The following UTRN variants were observed in gnomAD, a reference collection of about 807,000 sequenced individuals.
UTRN encodes the protein dystrophin-related protein 1.
Under a neutral mutation model 463.9 loss-of-function variants are expected in UTRN, and 283 were observed. The ratio of observed to expected loss-of-function variants is 0.61; its 90% CI spans 0.55 to 0.67. The LOEUF is 0.67. Among genes scored for constraint, UTRN ranks in the 30% least tolerant of loss-of-function variants. The probability of loss-of-function intolerance (pLI) is 0.00; values close to 1 mark genes in which losing one functional copy is unlikely to be tolerated. For missense variants in UTRN, 3,922 were observed against 4,084.3 expected (o/e 0.96, Z 1.08); for synonymous variants, 1,442 against 1,431.5 (o/e 1.01, Z -0.17).
At chr6:144,659,158 G>C (rs914557079) in intron 51 of UTRN, among the ~76,000 whole-genome samples, 10 of 152,118 alleles carry the variant, frequency 6.6e-5, no homozygotes, top group Admixed American at 6.6e-4. Flanking sequence ...TTCTTTTCAT[G>C]GGTTGGCTCC....
chr6:144,824,785 TC>T (rs1161996677), intron 66 of UTRN, among the ~76,000 whole-genome samples: 1 of 136,748 alleles, frequency 7.3e-6, no homozygotes, highest in Non-Finnish European at 1.6e-5. Flanking sequence ...GGGGGGGGTG[TC>T]CCCCCAGCGT....
At chr6:144,830,728 T>TGTTTTTTG (rs1471316580) in intron 69 of UTRN, among the ~76,000 whole-genome samples, 117 of 145,402 alleles carry the variant, frequency 8.0e-4, no homozygotes, top group Admixed American at 5.8e-3. Context: ...TTTTGTTTTT[T>TGTTTTTTG]GTTTTTTTTT....
chr6:144,581,472 A>T (rs1240863661), intron 51 of UTRN, among the ~76,000 whole-genome samples: 2 of 152,082 alleles, frequency 1.3e-5, no homozygotes, highest in African/African-American at 4.8e-5. Flanking sequence ...ACGTTTTAGG[A>T]TTATTACACT....
At chr6:144,779,179 G>C (rs550735067) in intron 60 of UTRN, among the ~76,000 whole-genome samples, 1 of 152,318 alleles carries the variant, frequency 6.6e-6, no homozygotes, top group African/African-American at 2.4e-5. Context: ...TAGCAGTGCT[G>C]TGTTACTGGC....
chr6:144,700,675 C>T lies in UTRN; in HGVS notation c.7809+432C>T, dbSNP rs562485791. Among the ~76,000 whole-genome samples, 8 of 151,900 alleles carry T rather than the reference C, an allele frequency of 5.3e-5. No individual in the cohort carries two copies. The South Asian group carries it at 1.2e-3, about 24-fold the overall frequency. ...CTCTGCTTCCTGGGTTCAAGCGATT[C>T]TCCTGCCTCAGTCTCCCAAGTAGCT... is the stretch of plus-strand genomic sequence containing the variant. On this transcript the variant is annotated intron_variant, in intron 53 of 74. Transcript: ENST00000367545.
intron 2 of UTRN, among the ~76,000 whole-genome samples, chr6:144,351,514 G>A (rs1362257614): frequency 1.3e-5 from 2 of 152,168 alleles, no homozygotes; most frequent in African/African-American, 4.8e-5. Context: ...GTTGTGTGGA[G>A]GATATCTTTG....
chr6:144,291,944 A>C, intron 2 of UTRN, 37 bp downstream of exon 2: 1 of 1,584,290 alleles, frequency 6.3e-7, no homozygotes, highest in Non-Finnish European at 8.6e-7. Flanking sequence ...ATGGATTTTT[A>C]TGTATTTAGA....
chr6:144,503,389 C>T (rs1459982090), intron 34 of UTRN, among the ~76,000 whole-genome samples: 13 of 152,050 alleles, frequency 8.5e-5, no homozygotes, highest in Non-Finnish European at 1.3e-4. Flanking sequence ...TTAGGTCTTA[C>T]GTTTAAGTCT....
intron 73 of UTRN, among the ~76,000 whole-genome samples, chr6:144,846,604 C>G (rs1375678754): frequency 6.6e-6 from 1 of 151,984 alleles, no homozygotes; most frequent in African/African-American, 2.4e-5. Context: ...AGAAACTAAC[C>G]AGGAAAACTA....
chr6:144,615,702 C>T (rs2128644903), intron 51 of UTRN, among the ~76,000 whole-genome samples: 1 of 152,232 alleles, frequency 6.6e-6, no homozygotes, highest in Admixed American at 6.5e-5. Flanking sequence ...TCCATCAAAG[C>T]CATGCCATTT....
chr6:144,753,393 T>C (rs775192148), intron 56 of UTRN, among the ~76,000 whole-genome samples: 76 of 152,140 alleles, frequency 5.0e-4, no homozygotes, highest in Non-Finnish European at 9.7e-4. Flanking sequence ...GGTGAGAGGG[T>C]TGCTTGAGGT....
At chr6:144,345,562 C>G (rs1012895783) in intron 2 of UTRN, among the ~76,000 whole-genome samples, 4 of 152,122 alleles carry the variant, frequency 2.6e-5, no homozygotes, top group African/African-American at 4.8e-5. Flanking sequence ...GTGGTCCCAG[C>G]TACTTAGGAG....
chr6:144,360,490 T>G (rs532121845), intron 2 of UTRN, among the ~76,000 whole-genome samples: 3 of 152,278 alleles, frequency 2.0e-5, no homozygotes, highest in African/African-American at 7.2e-5. Flanking sequence ...AGTACCCTTT[T>G]GGAGATAACC....
At chr6:144,738,094 C>G (rs896232105) in intron 54 of UTRN, among the ~76,000 whole-genome samples, 1 of 152,206 alleles carries the variant, frequency 6.6e-6, no homozygotes, top group Non-Finnish European at 1.5e-5. Context: ...GCGTCTATGA[C>G]AATGACTTCC....
intron 64 of UTRN, among the ~76,000 whole-genome samples, chr6:144,801,232 T>C (rs1352745800): frequency 6.6e-6 from 1 of 152,108 alleles, no homozygotes; most frequent in African/African-American, 2.4e-5. Flanking sequence ...TGTCCAGACT[T>C]GATACCTGGT....
At chr6:144,490,888 T>G in intron 31 of UTRN, 41 bp from the exon 32 acceptor site, 1 of 1,525,178 alleles carries the variant, frequency 6.6e-7, no homozygotes, top group Admixed American at 2.1e-5. Flanking sequence ...AGAGAGATAA[T>G]CATCCTGATG....
chr6:144,813,533 G>A (rs1368607498), intron 65 of UTRN, among the ~76,000 whole-genome samples: 1 of 152,154 alleles, frequency 6.6e-6, no homozygotes, highest in Non-Finnish European at 1.5e-5. Flanking sequence ...CCTTCCATTG[G>A]TAAAGCAGTT....
At chr6:144,493,506 TCTCA>T in intron 33 of UTRN, 50 bp downstream of exon 33, 1 of 1,543,946 alleles carries the variant, frequency 6.5e-7, no homozygotes, top group East Asian at 2.3e-5. Context: ...TCTCTCTCTC[TCTCA>T]ATCTCTCTCT....
intron 2 of UTRN, among the ~76,000 whole-genome samples, chr6:144,372,413 C>G (rs907008662): frequency 3.9e-4 from 60 of 152,254 alleles, no homozygotes; most frequent in African/African-American, 1.4e-3. Context: ...AAAGACAGTC[C>G]AGAGGATGGG....
Sources: allele counts gnomAD v4.1 joint callset (sites outside exome capture counted in the v4.1 genomes callset), GRCh38; gene constraint gnomAD v4.1.1; transcripts MANE v1.5; gene names NCBI Gene and HGNC (gene_info 2026-07-23, HGNC 2026-07-21).